The following ROCK2 variants were observed in gnomAD, a reference collection of about 807,000 sequenced individuals.
ROCK2 encodes the protein Rho associated coiled-coil containing protein kinase 2.
A neutral mutation model predicts 195.1 loss-of-function variants in ROCK2; 61 were observed. The observed-to-expected ratio is 0.31, with a 90% confidence interval of 0.25 to 0.39. The LOEUF is 0.39. Among genes scored for constraint, ROCK2 ranks in the 10% least tolerant of loss-of-function variants. ROCK2 has a pLI of 1.00. For synonymous variants in ROCK2, 504 were observed against 545.5 expected, an observed-to-expected ratio of 0.92 and a Z score of 1.06; for missense variants, 1,109 against 1,637.4, an observed-to-expected ratio of 0.68 and a Z score of 5.57.
intron 3 of ROCK2, among the ~76,000 whole-genome samples, chr2:11,283,123 C>T (rs1406867089): frequency 4.6e-5 from 7 of 151,694 alleles, no homozygotes; most frequent in African/African-American, 7.3e-5. Flanking sequence ...AAAAAATAGC[C>T]GGGCATACTG....
chr2:11,239,185 C>T (rs1234723046), intron 4 of ROCK2, among the ~76,000 whole-genome samples: 2 of 151,782 alleles, frequency 1.3e-5, no homozygotes, highest in Non-Finnish European at 2.9e-5. Context: ...ACACCAAAAA[C>T]GCAACTGACA....
At chr2:11,295,423 CAAA>C (rs1020865366) in intron 1 of ROCK2, among the ~76,000 whole-genome samples, 1 of 138,344 alleles carries the variant, frequency 7.2e-6, no homozygotes. Flanking sequence ...GACTTTAGGG[CAAA>C]AAAAAAAAAT....
In ROCK2 at chr2:11,180,222, TC is replaced by T. The variant is rs1415571664; in HGVS notation, c.*3214del. ...AAGGTTAATATAGTGTCCGAGTTTC[TC>T]TACTTTACCACCAGAATCCTAGAAG... On this transcript the variant is annotated 3_prime_UTR_variant, in exon 33 of 33. Transcript: ENST00000315872. 6.6e-6 allele frequency: 1 copy of T among 152,318 alleles called. No individual in the cohort carries two copies. The highest frequency in any genetic ancestry group is 2.4e-5 in the African/African-American group (1 of 41,580). The allele number at this position is 152,318 out of a possible 1,614,324, so 9.4% of individuals were successfully genotyped here.
In ROCK2 at chr2:11,207,890, T is replaced by C. The variant is rs748460780; in HGVS notation, c.2385A>G (p.Lys795=). ...LNEDVRNLTL[K]IEQETQKRCL... ...AGCGCTTCTGAGTTTCTTGCTCTAT[T>C]TTTAATGTCAGGTTTCTAACCTAAG... The change falls in exon 20 of 33, where the codon AAA becomes AAG. Residue 795 remains lysine (K), a synonymous_variant. Coordinates refer to ENST00000315872, the MANE Select transcript of ROCK2 (RefSeq NM_004850.5). 6.3e-7 allele frequency: 1 copy of C among 1,583,540 alleles called. No individual in the cohort carries two copies. The highest frequency in any genetic ancestry group is 8.6e-7 in the Non-Finnish European group (1 of 1,166,472).
At position 11,344,606 on chromosome 2, in the gene ROCK2, G is replaced by A. The variant is rs1292167524; in HGVS notation, c.-470C>T. On this transcript the variant is annotated 5_prime_UTR_variant, in exon 1 of 33. Coordinates refer to ENST00000315872, the MANE Select transcript of ROCK2 (RefSeq NM_004850.5). This position sits in a 1 kb window ranked among gnomAD's most constrained non-coding sequence, Gnocchi z 5.4. ...CCTTGCAGTCCCTCAGCCAGCTCCC[G>A]GCGCACACACTCCCGCGCGGCCGCC... 1.1e-5 allele frequency: 4 copies of A among 366,818 alleles called. No homozygotes were observed. The highest frequency in any genetic ancestry group is 1.5e-5 in the Non-Finnish European group (4 of 268,246). 22.7% of individuals were successfully genotyped at this position (366,818 alleles called of 1,614,324 possible). A position where few individuals can be genotyped will look rare whatever the true frequency, so the allele number is the denominator to read the frequency against.
At position 11,201,945 on chromosome 2, in the gene ROCK2, A is replaced by G. The variant is rs766952527; in HGVS notation, c.2619+107T>C. ...ATAATAAATTTCTCTTAAACTATCT[A>G]CATTCTTTTGCCCAGCTGCTCTTTT... is the stretch of plus-strand genomic sequence containing the variant. On this transcript the variant is annotated intron_variant, in intron 21 of 32. Coordinates refer to ENST00000315872, the MANE Select transcript of ROCK2 (RefSeq NM_004850.5). The surrounding 1 kb of genome is among the most constrained non-coding windows in gnomAD (Gnocchi z 4.6). The G allele has an allele frequency of 1.7e-5, 14 of 806,136 alleles. No homozygotes were observed. The highest frequency in any genetic ancestry group is 3.0e-5 in the Non-Finnish European group (14 of 467,650). 49.9% of individuals were successfully genotyped at this position (806,136 alleles called of 1,614,324 possible).
intron 20 of ROCK2, among the ~76,000 whole-genome samples, chr2:11,204,164 G>A (rs1490489230): frequency 6.6e-6 from 1 of 151,870 alleles, no homozygotes; most frequent in Non-Finnish European, 1.5e-5. Context: ...TTATCTTTTG[G>A]TGGTTACCTC....
intron 1 of ROCK2, among the ~76,000 whole-genome samples, chr2:11,305,895 A>G (rs1667845168): frequency 6.6e-6 from 1 of 152,356 alleles, no homozygotes; most frequent in Non-Finnish European, 1.5e-5. Flanking sequence ...AAAAATAAGT[A>G]AAGAAGTGTA....
intron 32 of ROCK2, among the ~76,000 whole-genome samples, chr2:11,184,054 C>T (rs1271485433): frequency 2.0e-5 from 3 of 152,178 alleles, no homozygotes; most frequent in African/African-American, 7.2e-5. Context: ...TTCAAATCTC[C>T]TTTAGCCACT....
At chr2:11,286,697 T>A in intron 2 of ROCK2, 58 bp from the exon 3 acceptor site, 14 of 972,776 alleles carry the variant, frequency 1.4e-5, no homozygotes, top group Non-Finnish European at 2.1e-5. Flanking sequence ...TTTTACATAA[T>A]CAACATTTAT....
At position 11,181,872 on chromosome 2, in the gene ROCK2, A is replaced by T. The variant is rs1279896498; in HGVS notation, c.*1565T>A. On this transcript the variant is annotated 3_prime_UTR_variant, in exon 33 of 33. Transcript: ENST00000315872. ...GGTCTTGAACTCCTCACCTCAGGTG[A>T]TCCGCCCGTCTTGGCCTCCCAAAGT... 1.3e-5 allele frequency: 2 copies of T among 152,098 alleles called. No homozygotes were observed. The highest frequency in any genetic ancestry group is 2.9e-5 in the Non-Finnish European group (2 of 67,988). The allele number at this position is 152,098 out of a possible 1,614,324, so 9.4% of individuals were successfully genotyped here.
intron 1 of ROCK2, among the ~76,000 whole-genome samples, chr2:11,309,989 G>T (rs982542708): frequency 6.6e-6 from 1 of 151,530 alleles, no homozygotes; most frequent in African/African-American, 2.4e-5. Context: ...AAAAAGAAAA[G>T]AAATGAAAGA....
intron 4 of ROCK2, among the ~76,000 whole-genome samples, chr2:11,246,318 G>A (rs1665613906): frequency 6.6e-6 from 1 of 151,784 alleles, no homozygotes; most frequent in Non-Finnish European, 1.5e-5. Context: ...TTCAACCTGG[G>A]GACAAAAGTA....
In ROCK2 at chr2:11,192,960, T is replaced by C. The variant is rs1159568629; in HGVS notation, c.3688-248A>G. ...ATCCTGTTCAAATGCTGCCTCCTTATTTTCTTTATAACACCCATGCTTTAG... is the reference window on the plus strand; with the variant it reads ...ATCCTGTTCAAATGCTGCCTCCTTACTTTCTTTATAACACCCATGCTTTAG... On this transcript the variant is annotated intron_variant, in intron 30 of 32. Transcript: ENST00000315872. This position sits in a 1 kb window ranked among gnomAD's most constrained non-coding sequence, Gnocchi z 5.0. Among the ~76,000 whole-genome samples the C allele has an allele frequency of 6.6e-6, 1 of 152,158 alleles. No individual in the cohort carries two copies. The highest frequency in any genetic ancestry group is 2.4e-5 in the African/African-American group (1 of 41,442).
At chr2:11,185,116 T>G (rs1429716292) in intron 32 of ROCK2, among the ~76,000 whole-genome samples, 1 of 152,224 alleles carries the variant, frequency 6.6e-6, no homozygotes, top group African/African-American at 2.4e-5. Flanking sequence ...AAAGCACATT[T>G]GTCAATGTTC....
intron 3 of ROCK2, 98 bp downstream of exon 3, chr2:11,286,441 T>C (rs913362887): frequency 8.1e-6 from 6 of 737,396 alleles, no homozygotes; most frequent in Non-Finnish European, 1.4e-5. Flanking sequence ...CCTTCTGGCA[T>C]GGGTGGGCAT....
chr2:11,344,042 G>A lies in ROCK2; in HGVS notation c.95C>T (p.Ala32Val). 1 of 1,586,888 alleles carries A rather than the reference G, an allele frequency of 6.3e-7. No individual in the cohort carries two copies. Among genetic ancestry groups the A allele is most frequent in the Non-Finnish European group, 8.6e-7 (1 of 1,168,082 alleles). Residue 32 changes from alanine (A) to valine (V), a missense_variant, in exon 1 of 33, where the codon GCG (alanine) becomes GTG (valine). By Grantham distance (64) the Ala-to-Val change is moderately conservative. Coordinates refer to ENST00000315872, the MANE Select transcript of ROCK2 (RefSeq NM_004850.5). The surrounding 1 kb of genome is among the most constrained non-coding windows in gnomAD (Gnocchi z 5.4). ...AGASRQRKLE[A>V]LIRDPRSPIN... ...GGGGGAGCGAGGGTCTCGGATCAGC[G>A]CCTCCAGCTTCCTCTGGCGGCTCGC...
At chr2:11,199,687 A>G (rs1224328360) in intron 23 of ROCK2, among the ~76,000 whole-genome samples, 1 of 152,184 alleles carries the variant, frequency 6.6e-6, no homozygotes, top group Non-Finnish European at 1.5e-5. Flanking sequence ...TCAATAGCAT[A>G]TTAAGGCATT....
intron 32 of ROCK2, among the ~76,000 whole-genome samples, chr2:11,189,968 C>G (rs1663352781): frequency 6.6e-6 from 1 of 152,028 alleles, no homozygotes; most frequent in African/African-American, 2.4e-5. Context: ...GCACTCCAGC[C>G]TGGGCAACAG....
Sources: gnomAD v4.1 joint callset for allele counts (sites outside exome capture counted in the v4.1 genomes callset) on GRCh38, gnomAD v4.1.1 for gene constraint, Gnocchi (gnomAD v3.1) non-coding constraint, MANE v1.5 for transcripts, NCBI Gene and HGNC (gene_info 2026-07-23, HGNC 2026-07-21) for gene names.